SCAF8: variants seen among roughly 807,000 people sequenced by gnomAD.
SCAF8 encodes SR-related CTD associated factor 8.
Under a neutral mutation model 140.5 loss-of-function variants are expected in SCAF8, and 23 were observed. The observed-to-expected ratio is 0.16, with a 90% CI of 0.12 to 0.23. SCAF8 has a LOEUF of 0.23. SCAF8 is among the 10% of genes least tolerant of loss of function. The probability of loss-of-function intolerance (pLI) is 1.00; values close to 1 mark genes in which losing one functional copy is unlikely to be tolerated. For synonymous variants in SCAF8, 575 were observed against 528.9 expected, an observed-to-expected ratio of 1.09 and a Z score of -1.20; for missense variants, 1,397 against 1,555.7, an observed-to-expected ratio of 0.90 and a Z score of 1.72.
At chr6:154,800,475 C>T (rs950025894) in intron 6 of SCAF8, among the ~76,000 whole-genome samples, 6 of 151,462 alleles carry the variant, frequency 4.0e-5, no homozygotes, top group African/African-American at 1.4e-4. Context: ...GCTGTGAAAA[C>T]TATAAATGGT....
At chr6:154,812,420 C>T (rs1303115927) in intron 12 of SCAF8, among the ~76,000 whole-genome samples, 1 of 150,650 alleles carries the variant, frequency 6.6e-6, no homozygotes, top group East Asian at 2.0e-4. Context: ...TTTGTGTGCA[C>T]TGGGAAGAAC....
Position 154,830,979 on chromosome 6 carries a change from G to A in SCAF8, c.2198G>A (p.Gly733Asp), listed in dbSNP as rs1234909521. The stretch of plus-strand genomic sequence containing the variant: ...GAAACTGTGAAAGATGTTGGATTTG[G>A]TAGCCTTGTTATACCAGGCGGTTCT... ...TPETVKDVGF[G>D]SLVIPGGSVA... The change falls in exon 19 of 20, where the codon GGT (glycine) becomes GAT (aspartate). Residue 733 changes from glycine (G) to aspartate (D), a missense_variant. Gly to Asp is a moderately conservative substitution (Grantham distance 94, BLOSUM62 -1). This residue lies in a region of SCAF8 where 930 missense variants were observed against 874.6 expected (regional missense o/e 1.06). Transcript: ENST00000367178. The A allele has an allele frequency of 1.9e-6, 3 of 1,614,022 alleles. No homozygotes were observed. The South Asian group carries it at 3.3e-5, about 18-fold the overall frequency.
chr6:154,759,958 C>T (rs576776991), intron 1 of SCAF8, among the ~76,000 whole-genome samples: 4 of 151,972 alleles, frequency 2.6e-5, no homozygotes, highest in South Asian at 2.1e-4. Context: ...CGTGAGCCAC[C>T]GTGCCTGGCC....
chr6:154,823,170 C>T (rs750493220), intron 16 of SCAF8, among the ~76,000 whole-genome samples: 3 of 152,114 alleles, frequency 2.0e-5, no homozygotes, highest in East Asian at 1.9e-4. Context: ...TAAAGCCAGT[C>T]CTCTCTAAGG....
chr6:154,817,087 CT>C (rs1446545987), intron 13 of SCAF8, among the ~76,000 whole-genome samples: 3 of 152,180 alleles, frequency 2.0e-5, no homozygotes, highest in Non-Finnish European at 2.9e-5. Context: ...TAATCATATA[CT>C]TTCTCTGAAG....
chr6:154,752,557 G>A (rs1778864515), intron 1 of SCAF8, among the ~76,000 whole-genome samples: 1 of 151,896 alleles, frequency 6.6e-6, no homozygotes, highest in Non-Finnish European at 1.5e-5. Flanking sequence ...TATCTCTGTT[G>A]CCCTGGAAAG....
At chr6:154,815,125 G>A (rs879493951) in intron 12 of SCAF8, among the ~76,000 whole-genome samples, 4 of 151,874 alleles carry the variant, frequency 2.6e-5, no homozygotes, top group Non-Finnish European at 5.9e-5. Context: ...GTGAAACCCC[G>A]TCTCTACTAA....
At chr6:154,808,231 A>G in intron 10 of SCAF8, 30 bp downstream of exon 10, 1 of 1,598,674 alleles carries the variant, frequency 6.3e-7, no homozygotes, top group Non-Finnish European at 8.6e-7. Context: ...TGGGTCATAA[A>G]TTTCTAAAAG....
At chr6:154,742,419 G>A (rs1243964320) in intron 1 of SCAF8, among the ~76,000 whole-genome samples, 1 of 152,072 alleles carries the variant, frequency 6.6e-6, no homozygotes, top group East Asian at 1.9e-4. Flanking sequence ...ATATGCTATA[G>A]GAATAAAGAA....
rs540682151 is a variant in SCAF8 at position 154,823,484 on chromosome 6, C to T, written c.1927-750C>T. 7.2e-5 allele frequency among the ~76,000 whole-genome samples: 11 copies of T among 152,186 alleles called. 1 individual carries two copies. The South Asian group carries it at 2.1e-3, about 29-fold the overall frequency. On this transcript the variant is annotated intron_variant, in intron 16 of 19. Coordinates refer to ENST00000367178, the MANE Select transcript of SCAF8 (RefSeq NM_014892.5). ...AAGAGTGGAGGTAATGAGAAATGGTCAGATACTAGGTGTATTTTGAAGGTG... is the reference window on the plus strand; with the variant it reads ...AAGAGTGGAGGTAATGAGAAATGGTTAGATACTAGGTGTATTTTGAAGGTG...
intron 12 of SCAF8, among the ~76,000 whole-genome samples, chr6:154,814,298 AC>A (rs766178929): frequency 1.3e-4 from 20 of 152,254 alleles, no homozygotes; most frequent in Non-Finnish European, 2.5e-4. Context: ...AGCCTGGGCA[AC>A]AGAGTGAGAC....
Position 154,823,687 on chromosome 6 carries a change from C to T in SCAF8, c.1927-547C>T, listed in dbSNP as rs1360960572. ...CGACTGGAAAATCAGTTGTTTCATACATGTTGTTAGGTAGAAGTATCTTTC... is the reference window on the plus strand; with the variant it reads ...CGACTGGAAAATCAGTTGTTTCATATATGTTGTTAGGTAGAAGTATCTTTC... On this transcript the variant is annotated intron_variant, in intron 16 of 19. Coordinates refer to ENST00000367178, the MANE Select transcript of SCAF8 (RefSeq NM_014892.5). 2.6e-5 allele frequency among the ~76,000 whole-genome samples: 4 copies of T among 152,140 alleles called. No homozygotes were observed. In the East Asian group the frequency reaches 7.7e-4, roughly 29 times the overall value.
chr6:154,817,895 G>T (rs1385525776), intron 13 of SCAF8, among the ~76,000 whole-genome samples: 1 of 152,058 alleles, frequency 6.6e-6, no homozygotes, highest in Non-Finnish European at 1.5e-5. Context: ...TAACACTGAG[G>T]CTATTTTCTT....
At chr6:154,781,534 A>T (rs1218085763) in intron 3 of SCAF8, among the ~76,000 whole-genome samples, 2 of 152,266 alleles carry the variant, frequency 1.3e-5, no homozygotes, top group Non-Finnish European at 2.9e-5. Flanking sequence ...TAGCGAAGAC[A>T]GTCTTAAGCA....
At chr6:154,780,200 C>A (rs1413714295) in intron 3 of SCAF8, among the ~76,000 whole-genome samples, 1 of 152,074 alleles carries the variant, frequency 6.6e-6, no homozygotes, top group African/African-American at 2.4e-5. Flanking sequence ...TAATGCCTGG[C>A]AGTCATTAAC....
At chr6:154,805,009 G>T (rs4870313) in intron 8 of SCAF8, among the ~76,000 whole-genome samples, 7 of 151,816 alleles carry the variant, frequency 4.6e-5, no homozygotes, top group Non-Finnish European at 7.4e-5. Flanking sequence ...GTAAGAGAAG[G>T]AGTTAAAGTA....
At chr6:154,765,226 T>C (rs1012712356) in intron 1 of SCAF8, among the ~76,000 whole-genome samples, 1 of 152,216 alleles carries the variant, frequency 6.6e-6, no homozygotes, top group Non-Finnish European at 1.5e-5. Flanking sequence ...GCAGGTATGC[T>C]CACCACTATA....
rs574581021 is a variant in SCAF8, at chr6:154,833,813, A to G, written c.*418A>G. ...GCTGCAGAATTTTAAGGTTATAGATAAAGCTGTGATATTTTATGCAAAGAC... is the reference window on the plus strand; with the variant it reads ...GCTGCAGAATTTTAAGGTTATAGATGAAGCTGTGATATTTTATGCAAAGAC... On this transcript the variant is annotated 3_prime_UTR_variant, in exon 20 of 20. Coordinates refer to ENST00000367178, the MANE Select transcript of SCAF8 (RefSeq NM_014892.5). 3.2e-5 allele frequency: 5 copies of G among 157,074 alleles called. No individual in the cohort carries two copies. The allele number at this position is 157,074 out of a possible 1,614,324, so 9.7% of individuals were successfully genotyped here. A position where few individuals can be genotyped will look rare whatever the true frequency, so the allele number is the denominator to read the frequency against.
In SCAF8 at chr6:154,766,179, G is replaced by A. The variant is rs889725067; in HGVS notation, c.31-7810G>A. 7.2e-5 allele frequency among the ~76,000 whole-genome samples: 11 copies of A among 152,212 alleles called. 1 individual carries two copies. Among genetic ancestry groups the A allele is most frequent in the Admixed American group, 5.9e-4 (9 of 15,288 alleles). ...ATCTTTACCCTTGTCTTCATGTTGAGTAGGCTGAGGAAGGGAAAGAGGAGT... is the reference window on the plus strand; with the variant it reads ...ATCTTTACCCTTGTCTTCATGTTGAATAGGCTGAGGAAGGGAAAGAGGAGT... On this transcript the variant is annotated intron_variant, in intron 1 of 19. Coordinates refer to ENST00000367178, the MANE Select transcript of SCAF8 (RefSeq NM_014892.5).
Sources: allele counts gnomAD v4.1 joint callset (sites outside exome capture counted in the v4.1 genomes callset), GRCh38; gene constraint gnomAD v4.1.1; regional missense constraint gnomAD v4.1.1; transcripts MANE v1.5; gene names NCBI Gene and HGNC (gene_info 2026-07-23, HGNC 2026-07-21).